Variants in PRAG1 observed in about 807,000 individuals in gnomAD.
PRAG1 encodes the protein PEAK1 related, kinase-activating pseudokinase 1, also known as inactive tyrosine-protein kinase PRAG1.
PRAG1 carries 110 observed loss-of-function variants against 95.6 expected under a neutral mutation model. That is an observed-to-expected ratio of 1.15 (90% CI 0.99 to 1.35). The LOEUF (loss-of-function observed/expected upper bound fraction) is 1.35. Among genes scored for constraint, PRAG1 ranks in the 40% most tolerant of loss-of-function variants. PRAG1 has a pLI of 0.00. For synonymous variants in PRAG1, 1,052 were observed against 819.4 expected (o/e 1.28, Z -4.85); for missense variants, 2,554 against 1,864.7 (o/e 1.37, Z -6.81).
intron 1 of PRAG1, among the ~76,000 whole-genome samples, chr8:8,384,274 C>G (rs956718054): frequency 6.6e-6 from 1 of 152,054 alleles, no homozygotes; most frequent in African/African-American, 2.4e-5. Flanking sequence ...AGAGGCCCTA[C>G]TTTCTAAGAT....
At position 8,317,787 on chromosome 8, in the gene PRAG1, T is replaced by C. The variant is rs1798321092; in HGVS notation, c.*367A>G. The C allele has an allele frequency of 6.3e-6, 1 of 158,384 alleles. No individual in the cohort carries two copies. The highest frequency in any genetic ancestry group is 1.4e-5 in the Non-Finnish European group (1 of 72,512). 9.8% of individuals were successfully genotyped at this position (158,384 alleles called of 1,614,324 possible). A position where few individuals can be genotyped will look rare whatever the true frequency, so the allele number is the denominator to read the frequency against. ...ATGGAATTTTCTTCTTTTTTTTTTTTCTTTAAATAACAATTTGACAAAAGG... is the reference window on the plus strand; with the variant it reads ...ATGGAATTTTCTTCTTTTTTTTTTTCCTTTAAATAACAATTTGACAAAAGG... On this transcript the variant is annotated 3_prime_UTR_variant, in exon 6 of 6. Coordinates refer to ENST00000615670, the MANE Select transcript of PRAG1 (RefSeq NM_001080826.3).
chr8:8,357,691 T>C (rs2080159616), intron 3 of PRAG1, among the ~76,000 whole-genome samples: 1 of 152,202 alleles, frequency 6.6e-6, no homozygotes, highest in African/African-American at 2.4e-5. Context: ...CTTTGTGGTA[T>C]ATATTTCAAA....
chr8:8,339,927 C>A (rs1209129633), intron 3 of PRAG1, among the ~76,000 whole-genome samples: 1 of 152,124 alleles, frequency 6.6e-6, no homozygotes, highest in Non-Finnish European at 1.5e-5. Context: ...ACCCCATCTG[C>A]CAAAACAGTT....
chr8:8,347,924 C>G (rs28730964), intron 3 of PRAG1, among the ~76,000 whole-genome samples: 1 of 134,794 alleles, frequency 7.4e-6, no homozygotes, highest in South Asian at 2.2e-4. Context: ...TGGAGTGCAG[C>G]GGCATGATCT....
In PRAG1 at chr8:8,339,647, A is replaced by G; in HGVS notation, c.2163-12T>C. 6.2e-7 allele frequency: 1 copy of G among 1,605,342 alleles called. No homozygotes were observed. Among genetic ancestry groups the G allele is most frequent in the African/African-American group, 1.3e-5 (1 of 74,914 alleles). ...TTTTTAGAAGGTGCCTGGAAAAGGT[A>G]GGAACAAACAATACAAATAACTCAT... On this transcript the variant is annotated splice_polypyrimidine_tract_variant and intron_variant, in intron 3 of 5. Coordinates refer to ENST00000615670, the MANE Select transcript of PRAG1 (RefSeq NM_001080826.3).
At chr8:8,382,729 T>G (rs1349103403) in intron 1 of PRAG1, among the ~76,000 whole-genome samples, 1 of 152,216 alleles carries the variant, frequency 6.6e-6, no homozygotes, top group Non-Finnish European at 1.5e-5. Flanking sequence ...AATTCACCAC[T>G]GAGAAGGAGC....
intron 3 of PRAG1, among the ~76,000 whole-genome samples, chr8:8,345,700 C>T (rs947614417): frequency 3.9e-5 from 6 of 152,128 alleles, no homozygotes; most frequent in African/African-American, 1.4e-4. Context: ...GAGACTAAGG[C>T]AGGAGAATCG....
intron 3 of PRAG1, among the ~76,000 whole-genome samples, chr8:8,354,843 T>C (rs1020320456): frequency 2.6e-5 from 4 of 152,100 alleles, no homozygotes; most frequent in African/African-American, 9.7e-5. Flanking sequence ...AACTAAATGT[T>C]TTTCCATTAA....
chr8:8,377,338 G>T lies in PRAG1; in HGVS notation c.1071C>A (p.Phe357Leu). ...AGTAATCACTCTCGAGGTGGGGGAC[G>T]AAGGGGCTACTGGCGCCGCTGCCGC... ...SGSGSGASSP[F>L]VPHLESDYCS... The change falls in exon 3 of 6, where the codon TTC (phenylalanine) becomes TTA (leucine). Residue 357 changes from phenylalanine to leucine, a missense_variant. Coordinates refer to ENST00000615670, the MANE Select transcript of PRAG1 (RefSeq NM_001080826.3). The T allele has an allele frequency of 6.2e-7, 1 of 1,603,302 alleles. No individual in the cohort carries two copies. Among genetic ancestry groups the T allele is most frequent in the Non-Finnish European group, 8.5e-7 (1 of 1,175,812 alleles).
In PRAG1 at chr8:8,324,731, A is replaced by T. The variant is rs548312113; in HGVS notation, c.3072+2979T>A. ...GGAGTCAGGGCCTCATTCACGGGCG[A>T]AAGTCTGGGCTAAATCATGTCTGTT... On this transcript the variant is annotated intron_variant, in intron 5 of 5. Coordinates refer to ENST00000615670, the MANE Select transcript of PRAG1 (RefSeq NM_001080826.3). Among the ~76,000 whole-genome samples the T allele has an allele frequency of 7.2e-5, 11 of 152,304 alleles. 1 individual carries two copies. The South Asian group carries it at 2.3e-3, about 32-fold the overall frequency.
At chr8:8,328,562 A>G in intron 4 of PRAG1, 101 bp from the exon 5 acceptor site, 1 of 1,274,540 alleles carries the variant, frequency 7.8e-7, no homozygotes. Context: ...ATTTGGTCAG[A>G]GCAATTAATT....
chr8:8,381,424 G>A lies in PRAG1; in HGVS notation c.324C>T (p.Val108=). The part of the protein sequence containing the change: ...VWTEANLSAE[V]SQVIWRRAPG... The stretch of plus-strand genomic sequence containing the variant: ...GAGTGTTAGTCAGCCTCACCTGCGA[G>A]ACTTCGGCACTCAGGTTGGCCTCTG... The change falls in exon 2 of 6, where the codon GTC becomes GTT. Residue 108 remains valine, a synonymous_variant. Transcript: ENST00000615670. The A allele has an allele frequency of 6.2e-7, 1 of 1,603,562 alleles. No individual in the cohort carries two copies. Among genetic ancestry groups the A allele is most frequent in the Non-Finnish European group, 8.5e-7 (1 of 1,171,322 alleles).
At chr8:8,324,846 G>A (rs533911952) in intron 5 of PRAG1, among the ~76,000 whole-genome samples, 5 of 152,086 alleles carry the variant, frequency 3.3e-5, no homozygotes, top group African/African-American at 1.2e-4. Context: ...CTGCTTCGAA[G>A]ACGCACACAC....
chr8:8,384,349 G>A (rs1800779487), intron 1 of PRAG1, among the ~76,000 whole-genome samples: 1 of 151,998 alleles, frequency 6.6e-6, no homozygotes, highest in Admixed American at 6.6e-5. Flanking sequence ...TAGCGTGGGG[G>A]AAGTTTCCTT....
At chr8:8,356,044 C>G (rs890584994) in intron 3 of PRAG1, among the ~76,000 whole-genome samples, 4 of 152,116 alleles carry the variant, frequency 2.6e-5, no homozygotes, top group African/African-American at 9.7e-5. Flanking sequence ...ACGTTAATGT[C>G]CAAAACTTAT....
chr8:8,353,266 G>A (rs1275360146), intron 3 of PRAG1, among the ~76,000 whole-genome samples: 1 of 152,036 alleles, frequency 6.6e-6, no homozygotes. Flanking sequence ...TTCTTCTCTA[G>A]CACACATGGA....
chr8:8,377,797 C>G lies in PRAG1; in HGVS notation c.612G>C (p.Gln204His). The change falls in exon 3 of 6, where the codon CAG becomes CAC. Residue 204 changes from glutamine to histidine, a missense_variant. Transcript: ENST00000615670. ...SFPYQDRPST[Q>H]ESFRQKLAAF... is the part of the protein sequence containing the mutation. ...CAGCCAGTTTCTGGCGGAAGCTCTCCTGGGTGGAGGGCCGGTCTTGGTAAG... is the reference window on the plus strand; with the variant it reads ...CAGCCAGTTTCTGGCGGAAGCTCTCGTGGGTGGAGGGCCGGTCTTGGTAAG... 2 of 1,614,168 alleles carry G rather than the reference C, an allele frequency of 1.2e-6. No individual in the cohort carries two copies. Among genetic ancestry groups the G allele is most frequent in the Non-Finnish European group, 1.7e-6 (2 of 1,180,048 alleles).
intron 3 of PRAG1, among the ~76,000 whole-genome samples, chr8:8,353,760 T>C (rs1009237082): frequency 2.6e-5 from 4 of 152,020 alleles, no homozygotes; most frequent in Admixed American, 2.6e-4. Context: ...TAAGCTATGA[T>C]TGATCCACTG....
At chr8:8,330,269 G>A (rs1342028714) in intron 4 of PRAG1, among the ~76,000 whole-genome samples, 1 of 152,194 alleles carries the variant, frequency 6.6e-6, no homozygotes, top group Admixed American at 6.5e-5. Context: ...AGGAGGCTGA[G>A]GGGAGAGGAT....
Sources: allele counts gnomAD v4.1 joint callset (sites outside exome capture counted in the v4.1 genomes callset), GRCh38; gene constraint gnomAD v4.1.1; transcripts MANE v1.5; gene names NCBI Gene and HGNC (gene_info 2026-07-23, HGNC 2026-07-21).